The following SCARF2 variants were observed in gnomAD, a reference collection of about 807,000 sequenced individuals.
The protein encoded by SCARF2 is scavenger receptor expressed by endothelial cells 2 protein.
SCARF2 carries 39 observed loss-of-function variants against 73.4 expected under a neutral mutation model. That is an observed-to-expected ratio of 0.53 (90% CI 0.41 to 0.69). The LOEUF (loss-of-function observed/expected upper bound fraction) is 0.69. Ranked by LOEUF, SCARF2 falls within the 30% of genes least tolerant of loss-of-function variation. The pLI is 0.00. For synonymous variants in SCARF2, 605 were observed against 590.0 expected (o/e 1.03, Z -0.37); for missense variants, 1,148 against 1,303.5 (o/e 0.88, Z 1.84).
chr22:20,437,776 G>T lies in SCARF2; in HGVS notation c.-22C>A. On this transcript the variant is annotated 5_prime_UTR_variant, in exon 1 of 11. Transcript: ENST00000622235. ...CCATGAGGCGCGGGGCAGGCGCGGG[G>T]CGGGCACGGGCGCGGGTGCGGCCGC... 7.4e-6 allele frequency: 7 copies of T among 947,540 alleles called. No homozygotes were observed. The highest frequency in any genetic ancestry group is 8.8e-6 in the Non-Finnish European group (7 of 795,674). The allele number at this position is 947,540 out of a possible 1,614,324, so 58.7% of individuals were successfully genotyped here. A position where few individuals can be genotyped will look rare whatever the true frequency, so the allele number is the denominator to read the frequency against.
At chr22:20,436,853 T>C (rs2052705643) in intron 1 of SCARF2, among the ~76,000 whole-genome samples, 1 of 152,010 alleles carries the variant, frequency 6.6e-6, no homozygotes, top group South Asian at 2.1e-4. Context: ...ACTCCCGGAC[T>C]CGCCCCCCCA....
chr22:20,426,328 T>TA (rs988586297), intron 10 of SCARF2, 46 bp from the exon 11 acceptor site: 92 of 1,525,284 alleles, frequency 6.0e-5, no homozygotes, highest in Non-Finnish European at 7.7e-5. Flanking sequence ...GGAATACCTT[T>TA]AGGGGCTCCA....
At chr22:20,430,209 C>T (rs118050813) in intron 6 of SCARF2, among the ~76,000 whole-genome samples, 1 of 152,340 alleles carries the variant, frequency 6.6e-6, no homozygotes, top group East Asian at 1.9e-4. Flanking sequence ...AGCCCACTGA[C>T]ACAGGCTGGA....
intron 1 of SCARF2, 72 bp downstream of exon 1, chr22:20,437,510 A>G: frequency 6.8e-7 from 1 of 1,471,642 alleles, no homozygotes; most frequent in Non-Finnish European, 9.1e-7. Context: ...GCCCCCTCCC[A>G]ATGCCCGGCG....
At position 20,429,488 on chromosome 22, in the gene SCARF2, A is replaced by AGG; in HGVS notation, c.1424+46_1424+47dup. ...TGGATCTGGGTCCGGTGGCACCCAG[A>AGG]GGGTGCGGCCTGAACCCAGGCGAAA... On this transcript the variant is annotated intron_variant, in intron 8 of 10. Transcript: ENST00000622235. This position sits in a 1 kb window ranked among gnomAD's most constrained non-coding sequence, Gnocchi z 5.2. The AGG allele has an allele frequency of 6.2e-7, 1 of 1,605,048 alleles. No individual in the cohort carries two copies. The highest frequency in any genetic ancestry group is 2.2e-5 in the East Asian group (1 of 44,600).
intron 1 of SCARF2, 66 bp downstream of exon 1, chr22:20,437,516 C>G: frequency 6.7e-7 from 1 of 1,494,104 alleles, no homozygotes; most frequent in Non-Finnish European, 9.0e-7. Flanking sequence ...TCCCAATGCC[C>G]GGCGCCGCCA....
At position 20,430,471 on chromosome 22, in the gene SCARF2, T is replaced by A; in HGVS notation, c.1160A>T (p.Gln387Leu). Residue 387 changes from glutamine to leucine, a missense_variant, in exon 6 of 11, where the codon CAG becomes CTG. Coordinates refer to ENST00000622235, the MANE Select transcript of SCARF2 (RefSeq NM_182895.5). ...AGGGCTGCACAGGCAGCGCCCCGACTGGAAGTCGCAGTGTCCGCTGCCGCA... is the reference window on the plus strand; with the variant it reads ...AGGGCTGCACAGGCAGCGCCCCGACAGGAAGTCGCAGTGTCCGCTGCCGCA... ...ADCGSGHCDF[Q>L]SGRCLCSPGV... is the part of the protein sequence containing the mutation. 6.3e-7 allele frequency: 1 copy of A among 1,595,604 alleles called. No homozygotes were observed. The highest frequency in any genetic ancestry group is 8.5e-7 in the Non-Finnish European group (1 of 1,172,070).
Position 20,425,861 on chromosome 22 carries a change from C to T in SCARF2, c.2115G>A (p.Ser705=). ...SKRKRTPSDK[S]AHTVEHGSPR... ...GGCTGCCGTGTTCGACCGTATGCGC[C>T]GATTTGTCGCTGGGCGTCCGTTTCC... The change falls in exon 11 of 11, where the codon TCG becomes TCA. Residue 705 remains serine (S), a synonymous_variant. Coordinates refer to ENST00000622235, the MANE Select transcript of SCARF2 (RefSeq NM_182895.5). This position sits in a 1 kb window ranked among gnomAD's most constrained non-coding sequence, Gnocchi z 4.6. The T allele has an allele frequency of 6.3e-7, 1 of 1,594,816 alleles. No individual in the cohort carries two copies. The highest frequency in any genetic ancestry group is 8.5e-7 in the Non-Finnish European group (1 of 1,174,138).
Position 20,425,157 on chromosome 22 carries a change from C to T in SCARF2, c.*218G>A. ...TGGGGAGGGAGTCGCCCGCTAAGCG[C>T]CTGTCAGGCCTCGACCAACGGGATG... On this transcript the variant is annotated 3_prime_UTR_variant, in exon 11 of 11. Transcript: ENST00000622235. The surrounding 1 kb of genome is among the most constrained non-coding windows in gnomAD (Gnocchi z 4.6). 1 of 404,100 alleles carries T rather than the reference C, an allele frequency of 2.5e-6. No homozygotes were observed. The allele number at this position is 404,100 out of a possible 1,614,324, so 25.0% of individuals were successfully genotyped here.
At position 20,430,781 on chromosome 22, in the gene SCARF2, T is replaced by G. The variant is rs372234657; in HGVS notation, c.982A>C (p.Ser328Arg). 3 of 1,605,806 alleles carry G rather than the reference T, an allele frequency of 1.9e-6. No homozygotes were observed. The highest frequency in any genetic ancestry group is 3.4e-5 in the Admixed American group (2 of 59,322). Residue 328 changes from serine to arginine, a missense_variant, in exon 5 of 11, where the codon AGC becomes CGC. Physicochemically the swap from Ser to Arg is moderately radical, Grantham distance 110 (BLOSUM62 -1). Transcript: ENST00000622235. The part of the protein sequence containing the change: ...CATGFYGEGC[S>R]HRCPPCRDGH... ...TCGCGGCATGGCGGACAGCGGTGGC[T>G]GCAGCCCTCGCCATAGAAACCGGTG...
Position 20,426,249 on chromosome 22 carries a change from G to A in SCARF2, c.1727C>T (p.Pro576Leu), listed in dbSNP as rs1334734274. Reference sequence around the variant, plus strand: ...CGCCGGCGCCTCGGCAGGGACAGTGGGGACTTCGGGGTCCCGGCTCTCCGC... The same window carrying A: ...CGCCGGCGCCTCGGCAGGGACAGTGAGGACTTCGGGGTCCCGGCTCTCCGC... ...APAESRDPEV[P>L]TVPAEAPAPS... The change falls in exon 11 of 11, where the codon CCC becomes CTC. Residue 576 changes from proline (P) to leucine (L), a missense_variant. This residue lies in a region of SCARF2 where 437 missense variants were observed against 433.6 expected (regional missense o/e 1.01). Coordinates refer to ENST00000622235, the MANE Select transcript of SCARF2 (RefSeq NM_182895.5). 4 of 1,536,294 alleles carry A rather than the reference G, an allele frequency of 2.6e-6. No homozygotes were observed. The Admixed American group carries it at 7.9e-5, about 30-fold the overall frequency.
chr22:20,426,064 C>T lies in SCARF2; in HGVS notation c.1912G>A (p.Gly638Ser). 1 of 1,553,428 alleles carries T rather than the reference C, an allele frequency of 6.4e-7. No homozygotes were observed. The highest frequency in any genetic ancestry group is 1.4e-5 in the African/African-American group (1 of 70,604). The change falls in exon 11 of 11, where the codon GGC becomes AGC. Residue 638 changes from glycine to serine, a missense_variant. Around this residue, in one of 5 missense-constraint regions of SCARF2, gnomAD observed 437 missense variants for 433.6 expected, o/e 1.01. Transcript: ENST00000622235. ...RREARPARAR[G>S]EIGGLSLSPS... Reference sequence around the variant, plus strand: ...GACAGCGACAGGCCCCCAATCTCGCCCCGGGCCCGGGCCGGCCGGGCCTCG... The same window carrying T: ...GACAGCGACAGGCCCCCAATCTCGCTCCGGGCCCGGGCCGGCCGGGCCTCG...
Position 20,425,312 on chromosome 22 carries a change from G to T in SCARF2, c.*63C>A. ...GCCGCCCGTGCCCGGTAGCGTGGGA[G>T]GTGTGGGGTGGCGGGCGGCGCTGCG... On this transcript the variant is annotated 3_prime_UTR_variant, in exon 11 of 11. Transcript: ENST00000622235. The surrounding 1 kb of genome is among the most constrained non-coding windows in gnomAD (Gnocchi z 4.6). 1 of 1,275,348 alleles carries T rather than the reference G, an allele frequency of 7.8e-7. No individual in the cohort carries two copies. Among genetic ancestry groups the T allele is most frequent in the Non-Finnish European group, 1.0e-6 (1 of 993,438 alleles). 79.0% of individuals were successfully genotyped at this position (1,275,348 alleles called of 1,614,324 possible).
intron 9 of SCARF2, among the ~76,000 whole-genome samples, chr22:20,427,835 C>T (rs1277110209): frequency 1.3e-5 from 2 of 152,202 alleles, no homozygotes; most frequent in African/African-American, 4.8e-5. Context: ...TGAGAAAAGG[C>T]CAGAAAGGTG....
At chr22:20,428,362 ACTGCAACCTCTGCCTCC>A (rs11267636) in intron 9 of SCARF2, among the ~76,000 whole-genome samples, 12,429 of 151,608 alleles carry the variant, frequency 0.082, 1,204 homozygotes, top group East Asian at 0.47. Flanking sequence ...ATCTCGGCTC[ACTGCAACCTCTGCCTCC>A]CTGCAACCTC....
Position 20,431,053 on chromosome 22 carries a change from G to A in SCARF2, c.819C>T (p.Cys273=). 6.4e-7 allele frequency: 1 copy of A among 1,561,434 alleles called. No homozygotes were observed. The highest frequency in any genetic ancestry group is 8.6e-7 in the Non-Finnish European group (1 of 1,161,660). Residue 273 remains cysteine, a synonymous_variant, in exon 4 of 11, where the codon TGC becomes TGT. Transcript: ENST00000622235. ...AGCCCAAGCCGTAGAAGCCGGCGGG[G>A]CACGGCTCGCGACAGTACTTGCCGC... The part of the protein sequence containing the change: ...GYRGKYCREP[C]PAGFYGLGCR...
chr22:20,436,212 G>A (rs1459142698), intron 1 of SCARF2, among the ~76,000 whole-genome samples: 3 of 152,232 alleles, frequency 2.0e-5, no homozygotes, highest in Non-Finnish European at 4.4e-5. Context: ...TGGAGCAGGC[G>A]CCTCCTGGGA....
chr22:20,432,054 C>T (rs2052656167), intron 1 of SCARF2, 66 bp from the exon 2 acceptor site: 2 of 1,459,676 alleles, frequency 1.4e-6, no homozygotes, highest in Non-Finnish European at 1.9e-6. Context: ...CTCCGGGCTC[C>T]TCCGCAGCCT....
At chr22:20,428,680 A>G (rs2146125290) in intron 9 of SCARF2, among the ~76,000 whole-genome samples, 1 of 152,142 alleles carries the variant, frequency 6.6e-6, no homozygotes, top group East Asian at 1.9e-4. Flanking sequence ...TTTAGAAATA[A>G]GTGGGAAAGA....
Sources: allele counts gnomAD v4.1 joint callset (sites outside exome capture counted in the v4.1 genomes callset), GRCh38; gene constraint gnomAD v4.1.1; regional missense constraint gnomAD v4.1.1; non-coding constraint Gnocchi (gnomAD v3.1); transcripts MANE v1.5; gene names NCBI Gene and HGNC (gene_info 2026-07-23, HGNC 2026-07-21).